The following ATP6V0E2 variants were observed in gnomAD, a reference collection of about 807,000 sequenced individuals.
The protein encoded by ATP6V0E2 is ATPase H+ transporting V0 subunit e2.
A neutral mutation model predicts 11.5 loss-of-function variants in ATP6V0E2; 4 were observed. That is an observed-to-expected ratio of 0.35 (90% CI 0.17 to 0.80). The LOEUF (loss-of-function observed/expected upper bound fraction) is 0.80, where lower values mean the gene tolerates loss of function less well. ATP6V0E2 is among the 30% of genes least tolerant of loss of function. The pLI is 0.53. For synonymous variants in ATP6V0E2, 52 were observed against 51.0 expected (o/e 1.02, Z -0.09); for missense variants, 93 against 113.5 (o/e 0.82, Z 0.82).
In ATP6V0E2 at chr7:149,878,776, C is replaced by T. The variant is rs1251569459; in HGVS notation, c.*5C>T. 1 of 1,612,818 alleles carries T rather than the reference C, an allele frequency of 6.2e-7. No homozygotes were observed. The highest frequency in any genetic ancestry group is 1.1e-5 in the South Asian group (1 of 91,078). ...GTGCGCTTCCTGTGGGAGTGACCCG[C>T]CGCCCCCGACCCAGGTACTGTGTGG... On this transcript the variant is annotated 3_prime_UTR_variant, in exon 3 of 4. Coordinates refer to ENST00000425642, the MANE Select transcript of ATP6V0E2 (RefSeq NM_145230.4).
intron 2 of ATP6V0E2, 142 bp downstream of exon 2, chr7:149,875,787 G>A: frequency 1.2e-6 from 1 of 850,826 alleles, no homozygotes. Flanking sequence ...AGGAGTGGAG[G>A]TGGTGTGGAA....
intron 2 of ATP6V0E2, among the ~76,000 whole-genome samples, chr7:149,876,413 C>T (rs971166091): frequency 1.1e-4 from 16 of 152,136 alleles, no homozygotes; most frequent in African/African-American, 3.9e-4. Context: ...AGTCATCAAA[C>T]TTGGAATAGG....
chr7:149,878,697 G>C lies in ATP6V0E2; in HGVS notation c.172G>C (p.Ala58Pro), dbSNP rs1205604690. 1.9e-6 allele frequency: 3 copies of C among 1,612,216 alleles called. No individual in the cohort carries two copies. The highest frequency in any genetic ancestry group is 8.5e-7 in the Non-Finnish European group (1 of 1,179,832). ...CYLFWLIAIL[A>P]QLNPLFGPQL... Reference sequence around the variant, plus strand: ...TGGCAGCTGGCTCATCGCCATCCTGGCGCAGCTGAACCCCCTGTTCGGGCC... The same window carrying C: ...TGGCAGCTGGCTCATCGCCATCCTGCCGCAGCTGAACCCCCTGTTCGGGCC... The change falls in exon 3 of 4, where the codon GCG becomes CCG. Residue 58 changes from alanine to proline, a missense_variant. By Grantham distance (27) the Ala-to-Pro change is conservative. Transcript: ENST00000425642.
At chr7:149,875,753 G>C (rs10240203) in intron 2 of ATP6V0E2, 108 bp downstream of exon 2, 617,220 of 1,103,772 alleles carry the variant, frequency 0.56, 175,827 homozygotes, top group African/African-American at 0.64. Flanking sequence ...AATGCCTCTT[G>C]AAAGGCTGAA....
chr7:149,879,365 A>G lies in ATP6V0E2; in HGVS notation c.*50A>G, dbSNP rs774154679. The G allele has an allele frequency of 1.4e-5, 22 of 1,566,712 alleles. No homozygotes were observed. The highest frequency in any genetic ancestry group is 1.9e-5 in the Non-Finnish European group (22 of 1,155,002). On this transcript the variant is annotated 3_prime_UTR_variant, in exon 4 of 4. Transcript: ENST00000425642. ...CAGCTCTCGGAATGACTGTGGCTCC[A>G]CTGTCCCTGACAACCCCTTCGTCCG...
chr7:149,877,563 C>CT (rs11334520), intron 2 of ATP6V0E2, among the ~76,000 whole-genome samples: 208 of 141,186 alleles, frequency 1.5e-3, no homozygotes, highest in South Asian at 4.5e-3. Flanking sequence ...CTTAAACCCA[C>CT]TTTTTTTTTT....
chr7:149,873,804 G>A (rs1348125140), upstream of ATP6V0E2: 3 of 1,395,938 alleles, frequency 2.1e-6, no homozygotes, highest in Admixed American at 2.9e-5. Flanking sequence ...GCCGAAACCG[G>A]GCGGCCGCGC....
At chr7:149,875,947 C>T (rs1048273527) in intron 2 of ATP6V0E2, 2 of 620,760 alleles carry the variant, frequency 3.2e-6, no homozygotes, top group African/African-American at 3.6e-5. Flanking sequence ...CTGACTGGGT[C>T]ACCTGGAGTG....
chr7:149,875,719 G>A, intron 2 of ATP6V0E2, 74 bp downstream of exon 2: 1 of 1,437,226 alleles, frequency 7.0e-7, no homozygotes, highest in Non-Finnish European at 9.7e-7. Context: ...ACCCTAGCCT[G>A]CTCTTCCTTC....
rs1440030909 is a variant in ATP6V0E2, at chr7:149,875,658, C to T, written c.152+13C>T. 2.5e-6 allele frequency: 4 copies of T among 1,612,128 alleles called. No individual in the cohort carries two copies. Among genetic ancestry groups the T allele is most frequent in the African/African-American group, 1.3e-5 (1 of 74,860 alleles). The stretch of plus-strand genomic sequence containing the variant: ...GCTGTTACCTCTTGTAAGTACTACT[C>T]TCCCCAGCTCAAAGTCAGCCAGTTC... On this transcript the variant is annotated intron_variant, in intron 2 of 3. Transcript: ENST00000425642.
rs1803401617 is a variant in ATP6V0E2 at position 149,880,401 on chromosome 7, C to G, written c.*1086C>G. Reference sequence around the variant, plus strand: ...GGCTCCCAGCTGGGGCCTGTCCTCACTGGTGCTCCAGGGGAAGAAACGACA... The same window carrying G: ...GGCTCCCAGCTGGGGCCTGTCCTCAGTGGTGCTCCAGGGGAAGAAACGACA... On this transcript the variant is annotated 3_prime_UTR_variant, in exon 4 of 4. Transcript: ENST00000425642. 1 of 152,550 alleles carries G rather than the reference C, an allele frequency of 6.6e-6. No homozygotes were observed. The highest frequency in any genetic ancestry group is 1.5e-5 in the Non-Finnish European group (1 of 68,288). 9.4% of individuals were successfully genotyped at this position (152,550 alleles called of 1,614,324 possible).
At chr7:149,874,497 A>G (rs960396873) in intron 1 of ATP6V0E2, 5 of 279,368 alleles carry the variant, frequency 1.8e-5, no homozygotes, top group African/African-American at 4.5e-5. Context: ...CCTAGAGCCA[A>G]TATCAAGTCT....
Position 149,879,664 on chromosome 7 carries a change from T to G in ATP6V0E2, c.*349T>G. 1 of 1,446,396 alleles carries G rather than the reference T, an allele frequency of 6.9e-7. No homozygotes were observed. Among genetic ancestry groups the G allele is most frequent in the Non-Finnish European group, 9.1e-7 (1 of 1,095,796 alleles). 89.6% of individuals were successfully genotyped at this position (1,446,396 alleles called of 1,614,324 possible). The stretch of plus-strand genomic sequence containing the variant: ...TTACAGACGGGGCAGATGCCAGGAC[T>G]CAGCCCATCCTGAGGAGGACACGTG... On this transcript the variant is annotated 3_prime_UTR_variant, in exon 4 of 4. Transcript: ENST00000425642.
intron 1 of ATP6V0E2, chr7:149,874,451 C>T (rs944182102): frequency 2.5e-6 from 1 of 398,348 alleles, no homozygotes; most frequent in Non-Finnish European, 4.5e-6. Flanking sequence ...CAAGTGGGCA[C>T]TGACGCAGTT....
Position 149,879,356 on chromosome 7 carries a change from T to A in ATP6V0E2, c.*41T>A. On this transcript the variant is annotated 3_prime_UTR_variant, in exon 4 of 4. Coordinates refer to ENST00000425642, the MANE Select transcript of ATP6V0E2 (RefSeq NM_145230.4). Reference sequence around the variant, plus strand: ...TCAGGTGCCCAGCTCTCGGAATGACTGTGGCTCCACTGTCCCTGACAACCC... The same window carrying A: ...TCAGGTGCCCAGCTCTCGGAATGACAGTGGCTCCACTGTCCCTGACAACCC... 6.4e-7 allele frequency: 1 copy of A among 1,555,182 alleles called. No individual in the cohort carries two copies. The highest frequency in any genetic ancestry group is 8.7e-7 in the Non-Finnish European group (1 of 1,148,294).
Position 149,876,007 on chromosome 7 carries a change from A to C in ATP6V0E2, c.152+362A>C, listed in dbSNP as rs1203383605. On this transcript the variant is annotated intron_variant, in intron 2 of 3. Coordinates refer to ENST00000425642, the MANE Select transcript of ATP6V0E2 (RefSeq NM_145230.4). Reference sequence around the variant, plus strand: ...TGCACCCTACACCCATGAAATTACAACTCTCGAGATCTGCACTTGGGAATT... The same window carrying C: ...TGCACCCTACACCCATGAAATTACACCTCTCGAGATCTGCACTTGGGAATT... 6.0e-6 allele frequency: 3 copies of C among 499,684 alleles called. No individual in the cohort carries two copies. The East Asian group carries it at 1.7e-4, about 28-fold the overall frequency. 31.0% of individuals were successfully genotyped at this position (499,684 alleles called of 1,614,324 possible).
chr7:149,875,506 C>A, intron 1 of ATP6V0E2, 92 bp from the exon 2 acceptor site: 1 of 1,298,902 alleles, frequency 7.7e-7, no homozygotes, highest in Non-Finnish European at 1.1e-6. Context: ...TGGAAAAGAG[C>A]TCACACCAGG....
Position 149,879,395 on chromosome 7 carries a change from C to T in ATP6V0E2, c.*80C>T. Reference sequence around the variant, plus strand: ...CCCTGACAACCCCTTCGTCCGGACCCTCCCCCACACAACTATGTCTGGTCA... The same window carrying T: ...CCCTGACAACCCCTTCGTCCGGACCTTCCCCCACACAACTATGTCTGGTCA... On this transcript the variant is annotated 3_prime_UTR_variant, in exon 4 of 4. Coordinates refer to ENST00000425642, the MANE Select transcript of ATP6V0E2 (RefSeq NM_145230.4). 6.3e-7 allele frequency: 1 copy of T among 1,599,382 alleles called. No individual in the cohort carries two copies. Among genetic ancestry groups the T allele is most frequent in the Non-Finnish European group, 8.5e-7 (1 of 1,173,080 alleles).
Position 149,880,582 on chromosome 7 carries a change from T to C in ATP6V0E2, c.*1267T>C. ...AGGCTGGGGCCTCCCATTGACATCC[T>C]CCCCCTACACTCCCTCTCTGAGCCT... On this transcript the variant is annotated 3_prime_UTR_variant, in exon 4 of 4. Transcript: ENST00000425642. 1 of 152,540 alleles carries C rather than the reference T, an allele frequency of 6.6e-6. No individual in the cohort carries two copies. The highest frequency in any genetic ancestry group is 1.5e-5 in the Non-Finnish European group (1 of 68,216). The allele number at this position is 152,540 out of a possible 1,614,324, so 9.4% of individuals were successfully genotyped here. A position where few individuals can be genotyped will look rare whatever the true frequency, so the allele number is the denominator to read the frequency against.
Sources: gnomAD v4.1 joint callset for allele counts (sites outside exome capture counted in the v4.1 genomes callset) on GRCh38, gnomAD v4.1.1 for gene constraint, MANE v1.5 for transcripts, NCBI Gene and HGNC (gene_info 2026-07-23, HGNC 2026-07-21) for gene names.